INPP5A: variants seen among roughly 807,000 people sequenced by gnomAD.
INPP5A encodes the protein 43 kDa inositol polyphosphate 5-phophatase.
In INPP5A, 14 loss-of-function variants were observed where a neutral mutation model predicts 65.2. The ratio of observed to expected loss-of-function variants is 0.21; its 90% CI spans 0.14 to 0.34. The LOEUF is 0.34. Ranked by LOEUF, INPP5A falls within the 10% of genes least tolerant of loss-of-function variation. The pLI is 1.00. For synonymous variants in INPP5A, 207 were observed against 208.3 expected, an observed-to-expected ratio of 0.99 and a Z score of 0.05; for missense variants, 431 against 545.6, an observed-to-expected ratio of 0.79 and a Z score of 2.09.
chr10:132,703,051 G>A (rs1307946146), intron 6 of INPP5A, among the ~76,000 whole-genome samples: 7 of 152,062 alleles, frequency 4.6e-5, no homozygotes, highest in South Asian at 2.1e-4. Context: ...CCTCCCTCCC[G>A]TTGGGTGCCC....
chr10:132,763,646 T>C (rs1846774300), intron 11 of INPP5A, among the ~76,000 whole-genome samples: 1 of 134,258 alleles, frequency 7.4e-6, no homozygotes, highest in Non-Finnish European at 1.7e-5. Flanking sequence ...CATGCCTGCA[T>C]GCACACACAC....
At chr10:132,771,312 G>A (rs780877597) in intron 12 of INPP5A, among the ~76,000 whole-genome samples, 5 of 152,312 alleles carry the variant, frequency 3.3e-5, no homozygotes, top group Admixed American at 6.5e-5. Flanking sequence ...TGCTTCCCTC[G>A]TAAGTGAAGG....
intron 13 of INPP5A, among the ~76,000 whole-genome samples, chr10:132,778,647 G>A (rs960429720): frequency 4.6e-5 from 7 of 152,204 alleles, no homozygotes; most frequent in African/African-American, 1.4e-4. Context: ...TGAACATAAC[G>A]TGGGTGTGCA....
chr10:132,563,711 GGAAA>G (rs1278671377), intron 1 of INPP5A, among the ~76,000 whole-genome samples: 2 of 152,156 alleles, frequency 1.3e-5, no homozygotes, highest in Admixed American at 1.3e-4. Context: ...GGAAAGGAAA[GGAAA>G]GAAAGGAAAG....
At chr10:132,766,863 AGG>A in intron 12 of INPP5A, among the ~76,000 whole-genome samples, 1 of 131,318 alleles carries the variant, frequency 7.6e-6, no homozygotes, top group East Asian at 2.7e-4. Context: ...GTGCGGCCTC[AGG>A]GAGCCTGGGT....
chr10:132,639,385 A>G (rs2072398828), intron 2 of INPP5A, among the ~76,000 whole-genome samples: 1 of 151,556 alleles, frequency 6.6e-6, no homozygotes, highest in African/African-American at 2.4e-5. Flanking sequence ...CTGATAAGAA[A>G]TCCGTGGTAA....
chr10:132,538,414 C>T lies in INPP5A; in HGVS notation c.75+243C>T, dbSNP rs930891244. Among the ~76,000 whole-genome samples, 4 of 152,284 alleles carry T rather than the reference C, an allele frequency of 2.6e-5. No individual in the cohort carries two copies. The highest frequency in any genetic ancestry group is 1.3e-4 in the Admixed American group (2 of 15,308). On this transcript the variant is annotated intron_variant, in intron 1 of 15. Coordinates refer to ENST00000368594, the MANE Select transcript of INPP5A (RefSeq NM_005539.5). The surrounding 1 kb of genome is among the most constrained non-coding windows in gnomAD (Gnocchi z 4.1). Reference sequence around the variant, plus strand: ...TGGGCCCTGAATCCCCGAACCCCATCCTCCAGACTCCAGCAGCTGACCGTT... The same window carrying T: ...TGGGCCCTGAATCCCCGAACCCCATTCTCCAGACTCCAGCAGCTGACCGTT...
At chr10:132,709,191 C>T (rs1035695209) in intron 7 of INPP5A, among the ~76,000 whole-genome samples, 4 of 147,912 alleles carry the variant, frequency 2.7e-5, no homozygotes, top group South Asian at 2.2e-4. Flanking sequence ...CCCTCCCCCT[C>T]GGGCCTCTCC....
intron 11 of INPP5A, among the ~76,000 whole-genome samples, chr10:132,757,397 G>A (rs1272814888): frequency 2.0e-5 from 3 of 152,342 alleles, no homozygotes; most frequent in South Asian, 4.1e-4. Flanking sequence ...CCCTCTCTAC[G>A]TTTAGGTATG....
chr10:132,690,054 C>A (rs540195865), intron 4 of INPP5A, among the ~76,000 whole-genome samples: 22 of 152,274 alleles, frequency 1.4e-4, no homozygotes, highest in Non-Finnish European at 2.2e-4. Context: ...CCACTCAATG[C>A]CCAGCCCGCG....
At chr10:132,690,144 T>C (rs1474559532) in intron 4 of INPP5A, among the ~76,000 whole-genome samples, 1 of 151,932 alleles carries the variant, frequency 6.6e-6, no homozygotes, top group Admixed American at 6.6e-5. Context: ...GCCTGGCCCG[T>C]GGGACTTGCG....
intron 1 of INPP5A, among the ~76,000 whole-genome samples, chr10:132,581,641 A>G (rs1177100816): frequency 6.6e-6 from 1 of 152,080 alleles, no homozygotes; most frequent in Non-Finnish European, 1.5e-5. Context: ...AGGATTAAGG[A>G]GGTGAGCATC....
intron 4 of INPP5A, among the ~76,000 whole-genome samples, chr10:132,685,024 T>C (rs186573602): frequency 1.8e-3 from 272 of 152,354 alleles, no homozygotes; most frequent in Non-Finnish European, 3.4e-3. Flanking sequence ...CAATATCTTA[T>C]GAAGTTTTTC....
At chr10:132,653,825 G>A (rs2072613063) in intron 4 of INPP5A, among the ~76,000 whole-genome samples, 1 of 152,138 alleles carries the variant, frequency 6.6e-6, no homozygotes, top group African/African-American at 2.4e-5. Context: ...CTTCAGCGCG[G>A]GGAGCACGGC....
intron 2 of INPP5A, among the ~76,000 whole-genome samples, chr10:132,639,871 A>G (rs1201825144): frequency 1.3e-5 from 2 of 152,142 alleles, no homozygotes; most frequent in Non-Finnish European, 2.9e-5. Context: ...TCTTCTGGTC[A>G]TTTATTTTAG....
chr10:132,752,854 A>G (rs1014727239), intron 11 of INPP5A, among the ~76,000 whole-genome samples: 2 of 152,078 alleles, frequency 1.3e-5, no homozygotes, highest in Non-Finnish European at 2.9e-5. Flanking sequence ...AGTGTTTCCT[A>G]CCTTTAGAGG....
At chr10:132,617,140 A>G (rs113669964) in intron 2 of INPP5A, among the ~76,000 whole-genome samples, 3,543 of 152,216 alleles carry the variant, frequency 0.023, 50 homozygotes, top group South Asian at 0.039. Context: ...TGGTGGCTGT[A>G]TTGATTCTTG....
chr10:132,676,639 G>A lies in INPP5A; in HGVS notation c.307-13753G>A, dbSNP rs2072968169. 6.6e-6 allele frequency among the ~76,000 whole-genome samples: 1 copy of A among 152,158 alleles called. No individual in the cohort carries two copies. Among genetic ancestry groups the A allele is most frequent in the African/African-American group, 2.4e-5 (1 of 41,432 alleles). On this transcript the variant is annotated intron_variant, in intron 4 of 15. Coordinates refer to ENST00000368594, the MANE Select transcript of INPP5A (RefSeq NM_005539.5). The surrounding 1 kb of genome is among the most constrained non-coding windows in gnomAD (Gnocchi z 4.0). ...TGTCCCGGCCAGTGCTCCGCTCCCT[G>A]CGCCCCTGATGAGATGGCAGCCCTG...
rs1369170204 is a variant in INPP5A at position 132,637,199 on chromosome 10, A to T, written c.118-8669A>T. 6.6e-6 allele frequency among the ~76,000 whole-genome samples: 1 copy of T among 152,236 alleles called. No homozygotes were observed. Among genetic ancestry groups the T allele is most frequent in the African/African-American group, 2.4e-5 (1 of 41,462 alleles). On this transcript the variant is annotated intron_variant, in intron 2 of 15. Transcript: ENST00000368594. This position sits in a 1 kb window ranked among gnomAD's most constrained non-coding sequence, Gnocchi z 4.1. Reference sequence around the variant, plus strand: ...CGGCCTCCCAAAGTGGTGGGATTACAGGCGTGAGCCACCTGTTGTTTAATT... The same window carrying T: ...CGGCCTCCCAAAGTGGTGGGATTACTGGCGTGAGCCACCTGTTGTTTAATT...
Sources: allele counts gnomAD v4.1 joint callset (sites outside exome capture counted in the v4.1 genomes callset), GRCh38; gene constraint gnomAD v4.1.1; non-coding constraint Gnocchi (gnomAD v3.1); transcripts MANE v1.5; gene names NCBI Gene and HGNC (gene_info 2026-07-23, HGNC 2026-07-21).